The following AKR1A1 variants were observed in gnomAD, a reference collection of about 807,000 sequenced individuals.
AKR1A1 encodes the protein HEL-S-165mP.
Under a neutral mutation model 39.2 loss-of-function variants are expected in AKR1A1, and 26 were observed. The ratio of observed to expected loss-of-function variants is 0.66; its 90% confidence interval spans 0.49 to 0.92. The LOEUF is 0.92. Among genes scored for constraint, AKR1A1 ranks in the 40% least tolerant of loss-of-function variants. The pLI is 0.00. For synonymous variants in AKR1A1, 141 were observed against 155.5 expected, an observed-to-expected ratio of 0.91 and a Z score of 0.69; for missense variants, 378 against 406.5, an observed-to-expected ratio of 0.93 and a Z score of 0.60.
At chr1:45,562,604 G>T (rs1644293192) in intron 2 of AKR1A1, among the ~76,000 whole-genome samples, 1 of 151,956 alleles carries the variant, frequency 6.6e-6, no homozygotes, top group Non-Finnish European at 1.5e-5. Flanking sequence ...CTGCCTCATG[G>T]GTTCAAGTGA....
rs1489844519 is a variant in AKR1A1 at position 45,566,609 on chromosome 1, G to A, written c.125G>A (p.Arg42His). 6 of 1,614,108 alleles carry A rather than the reference G, an allele frequency of 3.7e-6. No homozygotes were observed. The highest frequency in any genetic ancestry group is 1.7e-5 in the Admixed American group (1 of 60,008). ...AAGTATGCCCTTAGCGTAGGCTACC[G>A]CCACATTGATTGTGCTGCTATCTAC... ...AVKYALSVGY[R>H]HIDCAAIYGN... The change falls in exon 3 of 9, where the codon CGC becomes CAC. Residue 42 changes from arginine to histidine, a missense_variant. Physicochemically the swap from Arg to His is conservative, Grantham distance 29. Transcript: ENST00000351829.
intron 1 of AKR1A1, among the ~76,000 whole-genome samples, chr1:45,553,289 GCA>G (rs1410083905): frequency 6.6e-6 from 1 of 151,920 alleles, no homozygotes; most frequent in Non-Finnish European, 1.5e-5. Context: ...GGGTGTGGTG[GCA>G]TGCGCCTGTA....
In AKR1A1 at chr1:45,566,894, T is replaced by C; in HGVS notation, c.230T>C (p.Val77Ala). ...GCGGTGCCTCGGGAGGAGCTGTTTGTGACATCCAAGCTGTGGAACACCAAG... is the reference window on the plus strand; with the variant it reads ...GCGGTGCCTCGGGAGGAGCTGTTTGCGACATCCAAGCTGTGGAACACCAAG... ...GKAVPREELF[V>A]TSKLWNTKHH... Residue 77 changes from valine (V) to alanine (A), a missense_variant, in exon 4 of 9, where the codon GTG becomes GCG. Val to Ala is a moderately conservative substitution (Grantham distance 64, BLOSUM62 0). Transcript: ENST00000351829. The C allele has an allele frequency of 6.2e-7, 1 of 1,614,130 alleles. No homozygotes were observed. The highest frequency in any genetic ancestry group is 8.5e-7 in the Non-Finnish European group (1 of 1,180,008).
At chr1:45,565,024 G>A (rs146726417) in intron 2 of AKR1A1, among the ~76,000 whole-genome samples, 2,058 of 150,350 alleles carry the variant, frequency 0.014, 18 homozygotes, top group Non-Finnish European at 0.019. Context: ...GTGTTTCACC[G>A]TGTTAGCCAG....
In AKR1A1 at chr1:45,565,484, T is replaced by C. The variant is rs145574752; in HGVS notation, c.85-1085T>C. On this transcript the variant is annotated intron_variant, in intron 2 of 8. Coordinates refer to ENST00000351829, the MANE Select transcript of AKR1A1 (RefSeq NM_153326.3). ...TTTTTTGTTGTTATTTTTTTTGTGT[T>C]TTTTTGAGACGGAGTCTCACTCTGT... Among the ~76,000 whole-genome samples, 455 of 151,666 alleles carry C rather than the reference T, an allele frequency of 3.0e-3. 4 individuals are homozygous for C. Among genetic ancestry groups the C allele is most frequent in the East Asian group, 0.022 (112 of 5,108 alleles).
chr1:45,553,734 C>T (rs1644163786), intron 1 of AKR1A1, among the ~76,000 whole-genome samples: 1 of 152,202 alleles, frequency 6.6e-6, no homozygotes, highest in South Asian at 2.1e-4. Flanking sequence ...TGGCTCATGC[C>T]TGTAATCCCA....
In AKR1A1 at chr1:45,568,593, C is replaced by T. The variant is rs1482521668; in HGVS notation, c.661C>T (p.Arg221Cys). The change falls in exon 6 of 9, where the codon CGT becomes TGT. Residue 221 changes from arginine to cysteine, a missense_variant. Physicochemically the swap from Arg to Cys is radical, Grantham distance 180. Coordinates refer to ENST00000351829, the MANE Select transcript of AKR1A1 (RefSeq NM_153326.3). ...TTTGGGCTCCTCTGATCGTGCATGG[C>T]GTGATCCTGATGAGCCTGTCCTGCT... Reference protein sequence around the residue: ...SPLGSSDRAWRDPDEPVLLEE... With the variant: ...SPLGSSDRAWCDPDEPVLLEE... The T allele has an allele frequency of 5.6e-6, 9 of 1,613,986 alleles. No individual in the cohort carries two copies. Among genetic ancestry groups the T allele is most frequent in the Admixed American group, 1.7e-5 (1 of 60,022 alleles).
intron 1 of AKR1A1, among the ~76,000 whole-genome samples, chr1:45,558,633 C>G (rs529797451): frequency 7.9e-5 from 12 of 151,350 alleles, no homozygotes; most frequent in African/African-American, 2.4e-4. Flanking sequence ...CTCCTGACCT[C>G]GTGATCTGCC....
At position 45,568,561 on chromosome 1, in the gene AKR1A1, A is replaced by G. The variant is rs1407879695; in HGVS notation, c.629A>G (p.Tyr210Cys). The G allele has an allele frequency of 1.9e-6, 3 of 1,613,866 alleles. No individual in the cohort carries two copies. Residue 210 changes from tyrosine to cysteine, a missense_variant, in exon 6 of 9, where the codon TAT (tyrosine) becomes TGT (cysteine). Tyr to Cys is a radical substitution (Grantham distance 194, BLOSUM62 -2). Transcript: ENST00000351829. ...CQARGLEVTA[Y>C]SPLGSSDRAW... ...GCACGTGGCCTGGAGGTAACTGCTTATAGCCCTTTGGGCTCCTCTGATCGT... is the reference window on the plus strand; with the variant it reads ...GCACGTGGCCTGGAGGTAACTGCTTGTAGCCCTTTGGGCTCCTCTGATCGT...
At chr1:45,559,991 C>CTTT (rs1240120186) in intron 1 of AKR1A1, among the ~76,000 whole-genome samples, 1 of 130,628 alleles carries the variant, frequency 7.7e-6, no homozygotes, top group Non-Finnish European at 1.7e-5. Flanking sequence ...AATAACTTCA[C>CTTT]TTTTTTTTTT....
chr1:45,565,014 G>C (rs773215571), intron 2 of AKR1A1, among the ~76,000 whole-genome samples: 1 of 151,022 alleles, frequency 6.6e-6, no homozygotes, highest in Admixed American at 6.6e-5. Context: ...AGTAGAGACG[G>C]TGTTTCACCG....
intron 2 of AKR1A1, among the ~76,000 whole-genome samples, chr1:45,564,847 G>T (rs1570909492): frequency 6.6e-6 from 1 of 151,174 alleles, no homozygotes; most frequent in East Asian, 1.9e-4. Context: ...TTTTGAGATG[G>T]AGTCTTGCTC....
At chr1:45,560,854 G>A (rs1044456279) in intron 1 of AKR1A1, among the ~76,000 whole-genome samples, 2 of 151,396 alleles carry the variant, frequency 1.3e-5, no homozygotes, top group East Asian at 3.9e-4. Flanking sequence ...CAGCCTCCCA[G>A]GTAGCTGGGA....
intron 1 of AKR1A1, among the ~76,000 whole-genome samples, chr1:45,559,041 T>G (rs529908041): frequency 6.6e-6 from 1 of 152,310 alleles, no homozygotes; most frequent in African/African-American, 2.4e-5. Flanking sequence ...TCCTGTTCAG[T>G]TATTCTTTAG....
At position 45,567,043 on chromosome 1, in the gene AKR1A1, C is replaced by G. The variant is rs748330144; in HGVS notation, c.356+23C>G. On this transcript the variant is annotated intron_variant, in intron 4 of 8. Coordinates refer to ENST00000351829, the MANE Select transcript of AKR1A1 (RefSeq NM_153326.3). ...TGAGTGAGCCTTGCCAGAGCCTCAT[C>G]TGGGGAATCAGGGGGTTGAGCAGGA... The G allele has an allele frequency of 2.5e-6, 4 of 1,610,484 alleles. No homozygotes were observed. In the East Asian group the frequency reaches 6.7e-5, roughly 27 times the overall value.
intron 1 of AKR1A1, among the ~76,000 whole-genome samples, chr1:45,559,579 T>A (rs548081667): frequency 3.9e-5 from 6 of 151,950 alleles, no homozygotes; most frequent in African/African-American, 1.4e-4. Context: ...TTGCCTTTTT[T>A]CCATTAGCTC....
At chr1:45,565,682 C>A (rs887001117) in intron 2 of AKR1A1, among the ~76,000 whole-genome samples, 4 of 150,502 alleles carry the variant, frequency 2.7e-5, no homozygotes, top group African/African-American at 9.8e-5. Flanking sequence ...ACCATGTTGG[C>A]CAGGCTGGTC....
rs138722679 is a variant in AKR1A1, at chr1:45,558,468, G to A, written c.-6-3321G>A. 3.1e-3 allele frequency among the ~76,000 whole-genome samples: 444 copies of A among 145,370 alleles called. 5 individuals are homozygous for A. Among genetic ancestry groups the A allele is most frequent in the East Asian group, 0.021 (104 of 4,894 alleles). On this transcript the variant is annotated intron_variant, in intron 1 of 8. Coordinates refer to ENST00000351829, the MANE Select transcript of AKR1A1 (RefSeq NM_153326.3). The stretch of plus-strand genomic sequence containing the variant: ...AGCCGGAGTGCAGTGGCTCAATCTC[G>A]GCTCACTGCAACCTCCACCTCCCGA...
chr1:45,557,910 G>GTTTTTTTTTTTTT (rs1285024512), intron 1 of AKR1A1, among the ~76,000 whole-genome samples: 4 of 64,220 alleles, frequency 6.2e-5, no homozygotes, highest in Admixed American at 1.9e-4. Context: ...CTCACAACTT[G>GTTTTTTTTTTTTT]TCTTTTTTTT....
Sources: gnomAD v4.1 joint callset for allele counts (sites outside exome capture counted in the v4.1 genomes callset) on GRCh38, gnomAD v4.1.1 for gene constraint, MANE v1.5 for transcripts, NCBI Gene and HGNC (gene_info 2026-07-23, HGNC 2026-07-21) for gene names.